UROS: variants seen among roughly 807,000 people sequenced by gnomAD.
UROS encodes uroporphyrinogen-III synthase.
UROS carries 18 observed loss-of-function variants against 33.0 expected under a neutral mutation model. The ratio of observed to expected loss-of-function variants is 0.55; its 90% CI spans 0.38 to 0.81. The LOEUF is 0.81. UROS is among the 30% of genes least tolerant of loss of function. The pLI is 0.00. For missense variants in UROS, 293 were observed against 314.9 expected (o/e 0.93, Z 0.53); for synonymous variants, 114 against 121.1 (o/e 0.94, Z 0.38).
At chr10:125,802,876 T>C in intron 6 of UROS, 1 of 1,561,042 alleles carries the variant, frequency 6.4e-7, no homozygotes. Context: ...CCCTTGGGGC[T>C]CAGGCTGGCC....
chr10:125,817,045 A>T (rs1471944817), intron 1 of UROS, among the ~76,000 whole-genome samples: 1 of 152,098 alleles, frequency 6.6e-6, no homozygotes, highest in Admixed American at 6.6e-5. Context: ...AGCTTTATAT[A>T]CTTCATCTTC....
intron 1 of UROS, among the ~76,000 whole-genome samples, chr10:125,819,134 GC>G (rs1219161794): frequency 6.6e-6 from 1 of 152,084 alleles, no homozygotes; most frequent in Non-Finnish European, 1.5e-5. Context: ...ACAGGCATGC[GC>G]CACCATGCCC....
chr10:125,800,560 TCTTTC>T (rs1851759271), intron 6 of UROS, among the ~76,000 whole-genome samples: 1 of 136,360 alleles, frequency 7.3e-6, no homozygotes, highest in Non-Finnish European at 1.7e-5. Context: ...TTTCTTTCTT[TCTTTC>T]TTTTTTTTTT....
chr10:125,820,897 G>A (rs1343168476), intron 1 of UROS, among the ~76,000 whole-genome samples: 2 of 152,196 alleles, frequency 1.3e-5, no homozygotes, highest in African/African-American at 4.8e-5. Context: ...ACTACCTGCT[G>A]AGTTCAGTTC....
intron 9 of UROS, among the ~76,000 whole-genome samples, chr10:125,791,141 C>A (rs1454161346): frequency 6.7e-6 from 1 of 150,038 alleles, no homozygotes; most frequent in Non-Finnish European, 1.5e-5. Flanking sequence ...GGCAATTCAA[C>A]AATAAAACGA....
At chr10:125,802,924 G>C in intron 6 of UROS, 1 of 1,610,304 alleles carries the variant, frequency 6.2e-7, no homozygotes, top group Non-Finnish European at 8.5e-7. Context: ...TTGCCACCAA[G>C]GATGCGGCTA....
rs371822108 is a variant in UROS at position 125,788,900 on chromosome 10, T to C, written c.766A>G (p.Arg256Gly). Residue 256 changes from arginine to glycine, a missense_variant, in exon 10 of 10, where the codon AGG (arginine) becomes GGG (glycine). Physicochemically the swap from Arg to Gly is moderately radical, Grantham distance 125. Transcript: ENST00000368797. ...PTPQALATGI[R>G]KALQPHGCC ...CAGCCATGGGGCTGGAGAGCCTTCC[T>C]GATGCCAGTGGCCAGGGCTTGTGGC... 2.5e-6 allele frequency: 4 copies of C among 1,603,152 alleles called. No individual in the cohort carries two copies. In the African/African-American group the frequency reaches 4.0e-5, roughly 16 times the overall value.
chr10:125,805,539 T>C (rs1270210170), intron 6 of UROS, among the ~76,000 whole-genome samples: 3 of 152,226 alleles, frequency 2.0e-5, no homozygotes, highest in South Asian at 4.1e-4. Context: ...TTGGTGATGA[T>C]GGGAATGTTC....
downstream of UROS, among the ~76,000 whole-genome samples, chr10:125,787,746 C>T (rs917041432): frequency 2.0e-5 from 3 of 152,150 alleles, no homozygotes; most frequent in African/African-American, 7.2e-5. Context: ...GAACCATCAC[C>T]ATAATCCCGT....
chr10:125,796,487 G>A (rs1331070125), intron 7 of UROS, among the ~76,000 whole-genome samples: 1 of 152,190 alleles, frequency 6.6e-6, no homozygotes, highest in Admixed American at 6.5e-5. Flanking sequence ...GCTTATGTAG[G>A]TTTGTCCACA....
chr10:125,818,392 C>T (rs1016788250), intron 1 of UROS, among the ~76,000 whole-genome samples: 11 of 152,036 alleles, frequency 7.2e-5, no homozygotes, highest in African/African-American at 2.7e-4. Flanking sequence ...ACGCAGGAGG[C>T]TGAGGTGGGA....
At chr10:125,799,736 C>T (rs1201590975) in intron 6 of UROS, among the ~76,000 whole-genome samples, 5 of 152,186 alleles carry the variant, frequency 3.3e-5, no homozygotes, top group Non-Finnish European at 7.3e-5. Context: ...CCAACCAGCT[C>T]AGCTGACTTC....
chr10:125,802,572 C>T (rs1851935304), intron 6 of UROS: 3 of 1,011,804 alleles, frequency 3.0e-6, no homozygotes, highest in South Asian at 8.4e-5. Context: ...CCATGTGGCA[C>T]AAGTGGCCAG....
downstream of UROS, chr10:125,788,499 T>C: frequency 1.8e-6 from 2 of 1,103,556 alleles, no homozygotes; most frequent in Middle Eastern, 3.9e-4. Flanking sequence ...AGCAGGTTTG[T>C]GGGTTATCAG....
intron 1 of UROS, among the ~76,000 whole-genome samples, chr10:125,822,737 C>G (rs985988989): frequency 1.3e-5 from 2 of 152,214 alleles, no homozygotes; most frequent in African/African-American, 4.8e-5. Flanking sequence ...GGATTACAGG[C>G]GCGAGACACC....
At chr10:125,791,433 A>G (rs902163611) in intron 9 of UROS, 2 of 152,222 alleles carry the variant, frequency 1.3e-5, no homozygotes, top group Non-Finnish European at 2.9e-5. Context: ...CAGTAATTCG[A>G]CCGAACGTTA....
intron 9 of UROS, 111 bp downstream of exon 9, chr10:125,794,769 C>A (rs1851206876): frequency 1.9e-6 from 2 of 1,044,782 alleles, no homozygotes; most frequent in Non-Finnish European, 2.8e-6. Context: ...TTCTAAGGCA[C>A]CTGCTAGGCC....
chr10:125,793,142 A>C (rs1438626812), intron 9 of UROS: 1 of 152,234 alleles, frequency 6.6e-6, no homozygotes, highest in Non-Finnish European at 1.5e-5. Context: ...GGGTGTGGAC[A>C]ATGCAGGCAG....
chr10:125,805,871 A>G (rs1852284584), intron 6 of UROS, among the ~76,000 whole-genome samples: 1 of 152,190 alleles, frequency 6.6e-6, no homozygotes. Context: ...GAAAGGTACA[A>G]CGAAGTTATT....
Sources: allele counts gnomAD v4.1 joint callset (sites outside exome capture counted in the v4.1 genomes callset), GRCh38; gene constraint gnomAD v4.1.1; transcripts MANE v1.5; gene names NCBI Gene and HGNC (gene_info 2026-07-23, HGNC 2026-07-21).